The following CFAP46 variants were observed in gnomAD, a reference collection of about 807,000 sequenced individuals.
CFAP46 encodes cilia- and flagella-associated protein 46.
A neutral mutation model predicts 325.7 loss-of-function variants in CFAP46; 245 were observed. That is an observed-to-expected ratio of 0.75 (90% CI 0.68 to 0.84). The LOEUF (loss-of-function observed/expected upper bound fraction) is 0.84, where lower values mean the gene tolerates loss of function less well. Among genes scored for constraint, CFAP46 ranks in the 40% least tolerant of loss-of-function variants. CFAP46 has a pLI of 0.00. For missense variants in CFAP46, 3,346 were observed against 3,543.0 expected (o/e 0.94, Z 1.41); for synonymous variants, 1,523 against 1,495.9 (o/e 1.02, Z -0.42).
chr10:132,887,156 T>C (rs1849147349), intron 25 of CFAP46, among the ~76,000 whole-genome samples: 1 of 40,374 alleles, frequency 2.5e-5, no homozygotes, highest in African/African-American at 1.4e-4. Context: ...CTTCTCTCTC[T>C]CCTCTCTCTT....
Position 132,910,081 on chromosome 10 carries a change from T to C in CFAP46, c.2500-13A>G, listed in dbSNP as rs1260698480. The C allele has an allele frequency of 7.1e-7, 1 of 1,410,746 alleles. No homozygotes were observed. 87.4% of individuals were successfully genotyped at this position (1,410,746 alleles called of 1,614,324 possible). A position where few individuals can be genotyped will look rare whatever the true frequency, so the allele number is the denominator to read the frequency against. ...CAAACTCGCAGACCTAGGACAGACG[T>C]GTTCTCGGTCACGAAACCTGAATTC... is the stretch of plus-strand genomic sequence containing the variant. On this transcript the variant is annotated splice_polypyrimidine_tract_variant and intron_variant, in intron 19 of 57. Transcript: ENST00000368586.
chr10:132,834,264 G>T, intron 48 of CFAP46, 141 bp from the exon 49 acceptor site: 1 of 788,504 alleles, frequency 1.3e-6, no homozygotes, highest in Non-Finnish European at 2.0e-6. Flanking sequence ...TGGTCCCACT[G>T]AGGTGGGGCC....
intron 50 of CFAP46, among the ~76,000 whole-genome samples, chr10:132,823,035 CGCTGATGTGTGCTGTGTGCTG>C (rs1847914656): frequency 1.0e-5 from 1 of 96,032 alleles, no homozygotes; most frequent in African/African-American, 4.2e-5. Flanking sequence ...GCTGTGTGTG[CGCTGATGTGTGCTGTGTGCTG>C]TGAGTGCTGA....
At chr10:132,902,139 T>C (rs954921817) in intron 22 of CFAP46, among the ~76,000 whole-genome samples, 2 of 152,224 alleles carry the variant, frequency 1.3e-5, no homozygotes, top group African/African-American at 2.4e-5. Flanking sequence ...GTTGATATTT[T>C]TAATTCAACT....
At chr10:132,835,774 C>T (rs1848230760) in intron 46 of CFAP46, among the ~76,000 whole-genome samples, 1 of 152,016 alleles carries the variant, frequency 6.6e-6, no homozygotes, top group South Asian at 2.1e-4. Context: ...GGTGGGCCTT[C>T]AGCTTCTGGA....
intron 34 of CFAP46, among the ~76,000 whole-genome samples, chr10:132,866,700 G>T (rs552985436): frequency 6.6e-6 from 1 of 152,328 alleles, no homozygotes; most frequent in East Asian, 1.9e-4. Flanking sequence ...GCACTGCTGT[G>T]TTCTGGATCC....
chr10:132,883,625 C>T (rs541006126), intron 27 of CFAP46, among the ~76,000 whole-genome samples: 2 of 152,332 alleles, frequency 1.3e-5, no homozygotes, highest in South Asian at 2.1e-4. Flanking sequence ...GCTGTGCCCC[C>T]GGGGGACGAG....
At chr10:132,893,641 C>T (rs985446937) in intron 24 of CFAP46, among the ~76,000 whole-genome samples, 2 of 152,224 alleles carry the variant, frequency 1.3e-5, no homozygotes, top group Non-Finnish European at 2.9e-5. Flanking sequence ...TTTAGCTGAA[C>T]TGAGCAAAAG....
chr10:132,938,081 C>A (rs4304683), intron 5 of CFAP46, among the ~76,000 whole-genome samples: 1 of 152,184 alleles, frequency 6.6e-6, no homozygotes, highest in South Asian at 2.1e-4. Flanking sequence ...GAGGCTCGGA[C>A]CCGTTTCCTT....
intron 55 of CFAP46, 98 bp downstream of exon 55, chr10:132,812,687 T>C (rs575754784): frequency 4.0e-6 from 3 of 754,202 alleles, no homozygotes; most frequent in Non-Finnish European, 4.3e-6. Flanking sequence ...CCACAGGGGG[T>C]GGGGGCAGCA....
intron 46 of CFAP46, among the ~76,000 whole-genome samples, 191 bp from the exon 47 acceptor site, chr10:132,835,625 G>A (rs570723028): frequency 2.2e-4 from 33 of 152,240 alleles, no homozygotes; most frequent in African/African-American, 6.3e-4. Flanking sequence ...CGCAGGCAGC[G>A]GATGGGCCTC....
intron 25 of CFAP46, among the ~76,000 whole-genome samples, chr10:132,887,793 TCC>T (rs1849180773): frequency 1.2e-5 from 1 of 86,114 alleles, no homozygotes; most frequent in East Asian, 4.3e-4. Flanking sequence ...TCCTCTCCTC[TCC>T]CCTCTTCTCT....
intron 50 of CFAP46, among the ~76,000 whole-genome samples, chr10:132,822,047 G>GTGTGCTGATA (rs1265451337): frequency 6.3e-5 from 9 of 143,468 alleles, no homozygotes; most frequent in Non-Finnish European, 3.0e-5. Context: ...GTGTGCTGAT[G>GTGTGCTGATA]TGTGCTGTGT....
At chr10:132,898,087 T>C (rs899203875) in intron 24 of CFAP46, among the ~76,000 whole-genome samples, 1 of 152,202 alleles carries the variant, frequency 6.6e-6, no homozygotes, top group African/African-American at 2.4e-5. Context: ...TGACTCCTGA[T>C]TCCTGGTTAC....
At chr10:132,809,641 C>A (rs1252713025) in intron 57 of CFAP46, among the ~76,000 whole-genome samples, 1 of 152,180 alleles carries the variant, frequency 6.6e-6, no homozygotes, top group African/African-American at 2.4e-5. Context: ...CACCGCTGAG[C>A]GCCTCAACTC....
At chr10:132,941,453 G>T (rs1312171218) in intron 3 of CFAP46, 138 bp downstream of exon 3, 1 of 1,192,308 alleles carries the variant, frequency 8.4e-7, no homozygotes, top group Non-Finnish European at 1.2e-6. Flanking sequence ...AATGGTGCAA[G>T]TTTCGTGTCA....
chr10:132,821,670 C>A (rs1490504527), intron 50 of CFAP46, among the ~76,000 whole-genome samples: 2 of 96,690 alleles, frequency 2.1e-5, no homozygotes, highest in Non-Finnish European at 3.8e-5. Flanking sequence ...GCTGTGTGTG[C>A]TGTGTGTGCT....
At chr10:132,829,325 C>A (rs1415226142) in intron 50 of CFAP46, among the ~76,000 whole-genome samples, 1 of 152,152 alleles carries the variant, frequency 6.6e-6, no homozygotes, top group Non-Finnish European at 1.5e-5. Flanking sequence ...AAGCTATTGT[C>A]AATGGTAGTG....
chr10:132,851,236 G>A lies in CFAP46; in HGVS notation c.5644C>T (p.Leu1882=). 6.2e-7 allele frequency: 1 copy of A among 1,614,102 alleles called. No homozygotes were observed. The highest frequency in any genetic ancestry group is 1.1e-5 in the South Asian group (1 of 91,092). Residue 1882 remains leucine, a synonymous_variant, in exon 40 of 58, where the codon CTG becomes TTG. Coordinates refer to ENST00000368586, the MANE Select transcript of CFAP46 (RefSeq NM_001200049.3). ...RLKLGLVEMA[L]DMLQFIWEEA... Reference sequence around the variant, plus strand: ...TCCCAGATGAACTGGAGCATGTCCAGAGCCATTTCCACGAGGCCGAGCTTG... The same window carrying A: ...TCCCAGATGAACTGGAGCATGTCCAAAGCCATTTCCACGAGGCCGAGCTTG...
Sources: gnomAD v4.1 joint callset for allele counts (sites outside exome capture counted in the v4.1 genomes callset) on GRCh38, gnomAD v4.1.1 for gene constraint, MANE v1.5 for transcripts, NCBI Gene and HGNC (gene_info 2026-07-23, HGNC 2026-07-21) for gene names.